Variants in TTC23L observed in about 807,000 individuals in gnomAD.
TTC23L encodes tetratricopeptide repeat protein 23-like.
Under a neutral mutation model 48.1 loss-of-function variants are expected in TTC23L, and 42 were observed. The observed-to-expected ratio is 0.87, with a 90% CI of 0.68 to 1.13. The LOEUF (loss-of-function observed/expected upper bound fraction) is 1.13. Ranked by LOEUF, TTC23L falls within the 50% of genes most tolerant of loss-of-function variation. The pLI is 0.00. For synonymous variants in TTC23L, 159 were observed against 157.2 expected (o/e 1.01, Z -0.09); for missense variants, 391 against 421.0 (o/e 0.93, Z 0.62).
intron 2 of TTC23L, among the ~76,000 whole-genome samples, chr5:34,842,461 G>C (rs1467339790): frequency 6.6e-6 from 1 of 152,030 alleles, no homozygotes; most frequent in African/African-American, 2.4e-5. Context: ...GGGTGAATGT[G>C]GGAATAAAAG....
the TTC23L span, among the ~76,000 whole-genome samples, chr5:34,917,104 T>C: frequency 6.6e-6 from 1 of 152,004 alleles, no homozygotes; most frequent in East Asian, 1.9e-4. Flanking sequence ...GTGTAGAATT[T>C]TGACATTCAA....
rs1208979045 is a variant in TTC23L, at chr5:34,867,075, T to C, written c.840+6T>C. On this transcript the variant is annotated splice_donor_region_variant and intron_variant, in intron 7 of 10. Coordinates refer to ENST00000505624, the Ensembl canonical transcript of TTC23L. ...CCATCCAGTACTTGCAGCAGGTCAG[T>C]GGGTTGGCCAGAGCCCAGGCTGGGT... 6.2e-7 allele frequency: 1 copy of C among 1,607,746 alleles called. No individual in the cohort carries two copies. Among genetic ancestry groups the C allele is most frequent in the Admixed American group, 1.7e-5 (1 of 59,208 alleles).
intron 9 of TTC23L, among the ~76,000 whole-genome samples, chr5:34,882,618 T>TACACACACACACACACACACACAC (rs146120966): frequency 6.6e-4 from 93 of 140,964 alleles, no homozygotes; most frequent in Admixed American, 1.1e-3. Flanking sequence ...TCCCATGGAC[T>TACACACACACACACACACACACAC]ACACACACAC....
chr5:34,915,870 G>T, the TTC23L span: 1 of 1,561,426 alleles, frequency 6.4e-7, no homozygotes, highest in Non-Finnish European at 8.7e-7. Context: ...AAGAAGAGAG[G>T]GACCGGATCC....
At chr5:34,893,921 G>C (rs1031078796) in intron 9 of TTC23L, among the ~76,000 whole-genome samples, 3 of 151,994 alleles carry the variant, frequency 2.0e-5, no homozygotes, top group African/African-American at 4.8e-5. Flanking sequence ...CACACACACA[G>C]ATTTCCAATC....
At chr5:34,869,401 T>C (rs1580456090) in intron 8 of TTC23L, 1 of 168,848 alleles carries the variant, frequency 5.9e-6, no homozygotes, top group East Asian at 1.5e-4. Context: ...TTCCTCTGGC[T>C]GACAAGAGAG....
the TTC23L span, among the ~76,000 whole-genome samples, chr5:34,923,848 GCT>G: frequency 6.6e-6 from 1 of 152,168 alleles, no homozygotes. Flanking sequence ...TCTTAAGTGA[GCT>G]CTACCTACTT....
chr5:34,850,228 C>A, exon 4 of TTC23L: 1 of 1,613,928 alleles, frequency 6.2e-7, no homozygotes, highest in African/African-American at 1.3e-5. Context: ...GTCATCCTTT[C>A]TCGGATTATT....
At chr5:34,915,332 A>T in the TTC23L span, 5 of 245,400 alleles carry the variant, frequency 2.0e-5, no homozygotes, top group Non-Finnish European at 4.0e-5. Context: ...ATCCTCCAAG[A>T]GTCCCAGACA....
At chr5:34,915,620 C>A in the TTC23L span, 1 of 1,280,510 alleles carries the variant, frequency 7.8e-7, no homozygotes, top group Non-Finnish European at 1.0e-6. Flanking sequence ...AAGGAGGCGG[C>A]ACAGACCTGG....
chr5:34,915,972 A>G, the TTC23L span: 36 of 1,443,812 alleles, frequency 2.5e-5, no homozygotes, highest in South Asian at 1.9e-4. Flanking sequence ...TTACTTGACT[A>G]CAGCCTTGCT....
At chr5:34,842,348 A>ATTT (rs34916959) in intron 2 of TTC23L, among the ~76,000 whole-genome samples, 1 of 148,044 alleles carries the variant, frequency 6.8e-6, no homozygotes. Context: ...GTTGGATAGC[A>ATTT]TTTTTTTTTT....
the TTC23L span, chr5:34,908,170 A>ATTT: frequency 7.8e-6 from 1 of 128,224 alleles, no homozygotes; most frequent in Non-Finnish European, 1.7e-5. Flanking sequence ...AAGCCTTTAG[A>ATTT]CTTTTTTTTT....
rs1411480639 is a variant in TTC23L, at chr5:34,880,172, T to C, written c.950-9T>C. On this transcript the variant is annotated splice_polypyrimidine_tract_variant and intron_variant, in intron 8 of 10. Coordinates refer to ENST00000505624, the Ensembl canonical transcript of TTC23L. ...AGCTTGCCTTAAATAATTGTTTCAA[T>C]TTTTCCAGATGCTGTTGAGATATAT... 6.2e-7 allele frequency: 1 copy of C among 1,602,094 alleles called. No homozygotes were observed. Among genetic ancestry groups the C allele is most frequent in the South Asian group, 1.1e-5 (1 of 88,348 alleles).
At chr5:34,917,766 A>C in the TTC23L span, among the ~76,000 whole-genome samples, 1 of 152,200 alleles carries the variant, frequency 6.6e-6, no homozygotes, top group Non-Finnish European at 1.5e-5. Context: ...AAGTAAGTGC[A>C]GTGTGAATAA....
Position 34,846,265 on chromosome 5 carries a change from T to TA in TTC23L, c.255+603dup, listed in dbSNP as rs903217231. On this transcript the variant is annotated intron_variant, in intron 3 of 10. Transcript: ENST00000505624. ...GTTGCTGTTACCTTTAACTTAAAATTAAAAAAAAAAATAGCTGGGCGTGGT... is the reference window on the plus strand; with the variant it reads ...GTTGCTGTTACCTTTAACTTAAAATTAAAAAAAAAAAATAGCTGGGCGTGGT... 1.5e-3 allele frequency among the ~76,000 whole-genome samples: 220 copies of TA among 146,210 alleles called. 1 individual carries two copies. The highest frequency in any genetic ancestry group is 2.3e-3 in the Admixed American group (33 of 14,644).
chr5:34,924,835 T>C, the TTC23L span: 37 of 1,585,752 alleles, frequency 2.3e-5, no homozygotes, highest in Non-Finnish European at 3.0e-5. Context: ...AAATGTTTCC[T>C]TTTTATTAAA....
the TTC23L span, among the ~76,000 whole-genome samples, chr5:34,924,376 C>T: frequency 6.6e-6 from 1 of 152,108 alleles, no homozygotes; most frequent in African/African-American, 2.4e-5. Context: ...ATTTGTTGTT[C>T]GGAAGTTGCC....
At chr5:34,918,353 T>C in the TTC23L span, 1 of 1,320,728 alleles carries the variant, frequency 7.6e-7, no homozygotes, top group South Asian at 1.2e-5. Context: ...TAACATTTTC[T>C]TTTTCTTTAG....
Sources: allele counts gnomAD v4.1 joint callset (sites outside exome capture counted in the v4.1 genomes callset), GRCh38; gene constraint gnomAD v4.1.1; transcripts MANE v1.5; gene names NCBI Gene and HGNC (gene_info 2026-07-23, HGNC 2026-07-21).